The following VAV3 variants were observed in gnomAD, a reference collection of about 807,000 sequenced individuals.
VAV3 encodes guanine nucleotide exchange factor VAV3.
VAV3 carries 94 observed loss-of-function variants against 131.2 expected under a neutral mutation model. The observed-to-expected ratio is 0.72, with a 90% CI of 0.61 to 0.85. VAV3 has a LOEUF of 0.85. Among genes scored for constraint, VAV3 ranks in the 40% least tolerant of loss-of-function variants. The pLI is 0.00. For missense variants in VAV3, 939 were observed against 1,002.7 expected, an observed-to-expected ratio of 0.94 and a Z score of 0.86; for synonymous variants, 349 against 342.0, an observed-to-expected ratio of 1.02 and a Z score of -0.22.
intron 1 of VAV3, among the ~76,000 whole-genome samples, chr1:107,915,545 T>C (rs1672573102): frequency 6.6e-6 from 1 of 152,122 alleles, no homozygotes; most frequent in Non-Finnish European, 1.5e-5. Flanking sequence ...TCCTCATCTA[T>C]AGAGGGAAAC....
chr1:107,654,870 G>A (rs1419488144), intron 19 of VAV3, among the ~76,000 whole-genome samples: 1 of 151,856 alleles, frequency 6.6e-6, no homozygotes, highest in Non-Finnish European at 1.5e-5. Flanking sequence ...TAATGAAATA[G>A]TACCTACATT....
At chr1:107,808,975 A>T (rs934194258) in intron 2 of VAV3, among the ~76,000 whole-genome samples, 1 of 152,148 alleles carries the variant, frequency 6.6e-6, no homozygotes, top group Non-Finnish European at 1.5e-5. Flanking sequence ...CAATCGATGA[A>T]GGCATTTTTT....
chr1:107,846,031 G>C (rs1668951273), intron 2 of VAV3, among the ~76,000 whole-genome samples: 1 of 152,154 alleles, frequency 6.6e-6, no homozygotes, highest in Non-Finnish European at 1.5e-5. Flanking sequence ...AGGAAAAAAT[G>C]TTAAGGGCAG....
intron 15 of VAV3, among the ~76,000 whole-genome samples, chr1:107,728,232 G>A (rs12029299): frequency 0.14 from 21,650 of 152,102 alleles, 1,724 homozygotes; most frequent in South Asian, 0.26. Context: ...AGAGCAAAGA[G>A]TCAGACCCCC....
intron 25 of VAV3, chr1:107,576,486 G>A: frequency 6.7e-7 from 1 of 1,497,052 alleles, no homozygotes; most frequent in Non-Finnish European, 8.8e-7. Flanking sequence ...CTTTGAGAAA[G>A]AAAGAAAAAG....
intron 9 of VAV3, among the ~76,000 whole-genome samples, chr1:107,764,627 A>T (rs1325083637): frequency 1.3e-5 from 2 of 151,980 alleles, no homozygotes; most frequent in Non-Finnish European, 2.9e-5. Flanking sequence ...TCAAGTGCAT[A>T]CTCCTTGGCC....
rs184598878 is a variant in VAV3, at chr1:107,734,117, C to A, written c.1502+14851G>T. ...TTCATATCCAGCCAAACTAAGCTTCCTAAGTGAAGGAGAAATAAAATCCTT... is the reference window on the plus strand; with the variant it reads ...TTCATATCCAGCCAAACTAAGCTTCATAAGTGAAGGAGAAATAAAATCCTT... On this transcript the variant is annotated intron_variant, in intron 15 of 26. Transcript: ENST00000370056. Among the ~76,000 whole-genome samples, 9 of 152,196 alleles carry A rather than the reference C, an allele frequency of 5.9e-5. No individual in the cohort carries two copies. In the East Asian group the frequency reaches 9.6e-4, roughly 16 times the overall value.
chr1:107,725,802 C>A (rs867923795), intron 15 of VAV3, among the ~76,000 whole-genome samples: 1 of 152,108 alleles, frequency 6.6e-6, no homozygotes, highest in Admixed American at 6.6e-5. Context: ...TGTGAGCCAC[C>A]GTGCCCAGAT....
intron 15 of VAV3, among the ~76,000 whole-genome samples, chr1:107,737,640 C>T (rs1464602746): frequency 6.6e-6 from 1 of 152,136 alleles, no homozygotes; most frequent in Non-Finnish European, 1.5e-5. Context: ...AAATGCAAAT[C>T]AAAACCACAA....
intron 12 of VAV3, among the ~76,000 whole-genome samples, chr1:107,755,179 G>C (rs191725028): frequency 1.3e-5 from 2 of 152,214 alleles, no homozygotes; most frequent in Non-Finnish European, 2.9e-5. Context: ...CCTATATTTA[G>C]ATTCAGACTG....
intron 2 of VAV3, among the ~76,000 whole-genome samples, chr1:107,839,737 G>A (rs1381731134): frequency 6.6e-6 from 1 of 152,094 alleles, no homozygotes; most frequent in African/African-American, 2.4e-5. Flanking sequence ...AAAACCAAAA[G>A]ATGGTTCTTT....
intron 18 of VAV3, among the ~76,000 whole-genome samples, chr1:107,683,904 G>A (rs1658835164): frequency 6.6e-6 from 1 of 152,134 alleles, no homozygotes; most frequent in African/African-American, 2.4e-5. Flanking sequence ...AGCAACAACA[G>A]CCTTAAACTG....
At chr1:107,742,422 G>A (rs940237897) in intron 15 of VAV3, among the ~76,000 whole-genome samples, 1 of 152,084 alleles carries the variant, frequency 6.6e-6, no homozygotes, top group Non-Finnish European at 1.5e-5. Flanking sequence ...ATATTCCATG[G>A]GCCCAGACAG....
At chr1:107,600,540 A>G (rs938740866) in intron 24 of VAV3, among the ~76,000 whole-genome samples, 1 of 152,226 alleles carries the variant, frequency 6.6e-6, no homozygotes, top group African/African-American at 2.4e-5. Context: ...TACATAACAT[A>G]TAAGAAAAGC....
At chr1:107,782,086 G>A (rs11185176) in intron 2 of VAV3, among the ~76,000 whole-genome samples, 31,268 of 151,918 alleles carry the variant, frequency 0.21, 3,323 homozygotes, top group East Asian at 0.35. Flanking sequence ...AAAGCTATGG[G>A]GTGAAATCTG....
At chr1:107,596,862 T>G (rs757814395) in intron 24 of VAV3, among the ~76,000 whole-genome samples, 10 of 152,232 alleles carry the variant, frequency 6.6e-5, no homozygotes, top group Non-Finnish European at 4.4e-5. Context: ...TCTGATGAAG[T>G]ATAGTACCTG....
chr1:107,707,692 C>T (rs1660538507), intron 15 of VAV3, among the ~76,000 whole-genome samples: 1 of 152,134 alleles, frequency 6.6e-6, no homozygotes, highest in Non-Finnish European at 1.5e-5. Flanking sequence ...GAGGGTAACT[C>T]AAGAGATTAC....
At chr1:107,788,456 C>T (rs188938479) in intron 2 of VAV3, among the ~76,000 whole-genome samples, 25 of 152,176 alleles carry the variant, frequency 1.6e-4, no homozygotes, top group South Asian at 2.1e-4. Flanking sequence ...TCCAGCAGAG[C>T]ACAAAATTCA....
chr1:107,574,314 A>G (rs1649464243), intron 25 of VAV3, 116 bp from the exon 26 acceptor site: 2 of 1,287,676 alleles, frequency 1.6e-6, no homozygotes, highest in Non-Finnish European at 2.1e-6. Flanking sequence ...TTCATTACAG[A>G]CCAGCGATAA....
Sources: allele counts gnomAD v4.1 joint callset (sites outside exome capture counted in the v4.1 genomes callset), GRCh38; gene constraint gnomAD v4.1.1; transcripts MANE v1.5; gene names NCBI Gene and HGNC (gene_info 2026-07-23, HGNC 2026-07-21).